CIT: variants seen among roughly 807,000 people sequenced by gnomAD.
CIT encodes citron rho-interacting serine/threonine kinase.
CIT carries 79 observed loss-of-function variants against 272.7 expected under a neutral mutation model. The ratio of observed to expected loss-of-function variants is 0.29; its 90% confidence interval spans 0.24 to 0.35. The LOEUF is 0.35. Ranked by LOEUF, CIT falls within the 10% of genes least tolerant of loss-of-function variation. CIT has a pLI of 1.00. For missense variants in CIT, 1,909 were observed against 2,618.3 expected, an observed-to-expected ratio of 0.73 and a Z score of 5.91; for synonymous variants, 948 against 995.6, an observed-to-expected ratio of 0.95 and a Z score of 0.90.
intron 21 of CIT, among the ~76,000 whole-genome samples, chr12:119,757,987 A>G (rs764459220): frequency 6.6e-6 from 1 of 152,158 alleles, no homozygotes; most frequent in Non-Finnish European, 1.5e-5. Flanking sequence ...GATCTCCCTC[A>G]CCTCTCCAGC....
chr12:119,868,763 C>A (rs929777539), intron 3 of CIT, among the ~76,000 whole-genome samples: 2 of 152,194 alleles, frequency 1.3e-5, no homozygotes, highest in Non-Finnish European at 2.9e-5. Context: ...GTCTTGAACT[C>A]CTGGGCTCAA....
At chr12:119,717,838 C>CTTTTTTTCTTTTTT (rs1957601307) in intron 32 of CIT, among the ~76,000 whole-genome samples, 1 of 81,332 alleles carries the variant, frequency 1.2e-5, no homozygotes, top group Non-Finnish European at 2.3e-5. Context: ...TGACTTCTTT[C>CTTTTTTTCTTTTTT]TTTTTTTTTT....
chr12:119,836,062 G>C (rs1175170521), intron 5 of CIT, among the ~76,000 whole-genome samples: 1 of 151,978 alleles, frequency 6.6e-6, no homozygotes, highest in African/African-American at 2.4e-5. Flanking sequence ...GCCGAGGCAG[G>C]CGGATCACAA....
At chr12:119,823,246 C>A (rs1255526526) in intron 8 of CIT, among the ~76,000 whole-genome samples, 1 of 152,152 alleles carries the variant, frequency 6.6e-6, no homozygotes, top group Non-Finnish European at 1.5e-5. Context: ...CATTCCCCAT[C>A]TCTCCCTTTG....
intron 15 of CIT, 94 bp downstream of exon 15, chr12:119,776,264 G>T: frequency 1.0e-6 from 1 of 955,206 alleles, no homozygotes; most frequent in South Asian, 1.4e-5. Context: ...CATTGATGAA[G>T]AATACTCTTC....
intron 30 of CIT, 35 bp downstream of exon 30, chr12:119,720,443 C>T (rs1334349738): frequency 6.8e-7 from 1 of 1,460,080 alleles, no homozygotes; most frequent in South Asian, 1.2e-5. Flanking sequence ...ATGAGTGAAA[C>T]TGACAATTCC....
chr12:119,723,396 T>TAAAAAAAAAAAA (rs1565942859), intron 28 of CIT, among the ~76,000 whole-genome samples: 1 of 133,870 alleles, frequency 7.5e-6, no homozygotes, highest in African/African-American at 3.0e-5. Context: ...TCCCTATACA[T>TAAAAAAAAAAAA]TAAAAAAAAA....
In CIT at chr12:119,876,058, A is replaced by G. The variant is rs754612715; in HGVS notation, c.96+15T>C. On this transcript the variant is annotated intron_variant, in intron 2 of 47. Transcript: ENST00000392521. ...ACACACACAGGTGAGCAAAGTTGGC[A>G]GGGTAGGCTGTTACCTGGAAGAACA... is the stretch of plus-strand genomic sequence containing the variant. 21 of 1,578,314 alleles carry G rather than the reference A, an allele frequency of 1.3e-5. No individual in the cohort carries two copies. Among genetic ancestry groups the G allele is most frequent in the Non-Finnish European group, 1.7e-5 (20 of 1,149,502 alleles).
At chr12:119,720,437 G>A (rs1451343233) in intron 30 of CIT, 41 bp downstream of exon 30, 11 of 1,403,064 alleles carry the variant, frequency 7.8e-6, no homozygotes, top group Non-Finnish European at 1.1e-5. Flanking sequence ...TGAATGATGA[G>A]TGAAACTGAC....
Position 119,727,316 on chromosome 12 carries a change from G to A in CIT, c.3591+1186C>T, listed in dbSNP as rs139484256. 3.9e-3 allele frequency among the ~76,000 whole-genome samples: 594 copies of A among 152,190 alleles called. 3 individuals are homozygous for A. The highest frequency in any genetic ancestry group is 7.4e-3 in the Admixed American group (113 of 15,292). On this transcript the variant is annotated intron_variant, in intron 28 of 47. Transcript: ENST00000392521. ...TTCTAATTTCAAAATATCTAATTTG[G>A]ATCTGACAAATTGTCAATTTCAAAA...
At chr12:119,827,470 G>A (rs1435343070) in intron 7 of CIT, among the ~76,000 whole-genome samples, 6 of 149,748 alleles carry the variant, frequency 4.0e-5, no homozygotes, top group South Asian at 2.1e-4. Flanking sequence ...ATGGAGTCTC[G>A]CTCTGTCACC....
chr12:119,787,376 A>C (rs1964882096), intron 10 of CIT, among the ~76,000 whole-genome samples: 1 of 151,690 alleles, frequency 6.6e-6, no homozygotes, highest in Non-Finnish European at 1.5e-5. Context: ...GGCTACAGTG[A>C]GCTACGATTG....
intron 9 of CIT, among the ~76,000 whole-genome samples, chr12:119,807,840 A>T (rs78121560): frequency 0.015 from 2,346 of 152,164 alleles, 32 homozygotes; most frequent in Non-Finnish European, 0.02. Context: ...TTCACTAATG[A>T]CAAATAAGAA....
chr12:119,876,306 G>A (rs1950844065), intron 1 of CIT, 125 bp from the exon 2 acceptor site: 1 of 593,858 alleles, frequency 1.7e-6, no homozygotes, highest in South Asian at 2.1e-5. Context: ...CCAGTTTTAG[G>A]AAGCTCAGTC....
At chr12:119,794,380 A>G (rs1965554116) in intron 10 of CIT, among the ~76,000 whole-genome samples, 1 of 152,226 alleles carries the variant, frequency 6.6e-6, no homozygotes, top group African/African-American at 2.4e-5. Context: ...GGAATCCAAA[A>G]TGAGAAGTGT....
intron 10 of CIT, among the ~76,000 whole-genome samples, chr12:119,789,326 AG>A (rs1965098495): frequency 6.6e-6 from 1 of 152,244 alleles, no homozygotes; most frequent in Admixed American, 6.5e-5. Context: ...CATTTTGGCC[AG>A]ACCATTTGGT....
At chr12:119,875,990 C>G (rs1437778508) in intron 2 of CIT, 83 bp downstream of exon 2, 1 of 876,136 alleles carries the variant, frequency 1.1e-6, no homozygotes, top group Non-Finnish European at 1.9e-6. Context: ...AATAAATAAA[C>G]AAATAAATAA....
At chr12:119,743,987 T>G (rs1171104010) in intron 23 of CIT, among the ~76,000 whole-genome samples, 1 of 152,112 alleles carries the variant, frequency 6.6e-6, no homozygotes, top group Non-Finnish European at 1.5e-5. Flanking sequence ...AATGGAAAAT[T>G]TTAAGAAAGA....
At chr12:119,813,585 G>A (rs1479461084) in intron 9 of CIT, among the ~76,000 whole-genome samples, 2 of 152,166 alleles carry the variant, frequency 1.3e-5, no homozygotes, top group Non-Finnish European at 2.9e-5. Context: ...CATTTGCTTG[G>A]TTGTGAAAGG....
Sources: allele counts gnomAD v4.1 joint callset (sites outside exome capture counted in the v4.1 genomes callset), GRCh38; gene constraint gnomAD v4.1.1; transcripts MANE v1.5; gene names NCBI Gene and HGNC (gene_info 2026-07-23, HGNC 2026-07-21).